Variants in PTGER3 observed in about 807,000 individuals in gnomAD.
The protein encoded by PTGER3 is prostaglandin E2 receptor EP3 subtype.
A neutral mutation model predicts 34.7 loss-of-function variants in PTGER3; 22 were observed. That is an observed-to-expected ratio of 0.63 (90% CI 0.45 to 0.91). PTGER3 has a LOEUF of 0.91. PTGER3 is among the 40% of genes least tolerant of loss of function. The pLI, the probability that PTGER3 is intolerant of heterozygous loss-of-function variation, is 0.00. For missense variants in PTGER3, 468 were observed against 519.4 expected (o/e 0.90, Z 0.96); for synonymous variants, 241 against 230.1 (o/e 1.05, Z -0.43).
chr1:71,023,998 A>T (rs1430325485), intron 1 of PTGER3, among the ~76,000 whole-genome samples: 1 of 150,000 alleles, frequency 6.7e-6, no homozygotes, highest in Non-Finnish European at 1.5e-5. Flanking sequence ...ATGAAATTTT[A>T]ATCTTGTTAT....
chr1:71,045,895 G>A (rs1660734243), intron 1 of PTGER3, among the ~76,000 whole-genome samples: 1 of 151,946 alleles, frequency 6.6e-6, no homozygotes, highest in Non-Finnish European at 1.5e-5. Context: ...AACCTTGAAG[G>A]CACCCATAGG....
intron 1 of PTGER3, among the ~76,000 whole-genome samples, chr1:71,026,583 T>C (rs1226861354): frequency 6.6e-6 from 1 of 151,888 alleles, no homozygotes. Context: ...CTTCCGTGTT[T>C]ACCCCCTTAG....
At chr1:70,954,789 T>C (rs886322299) in intron 2 of PTGER3, among the ~76,000 whole-genome samples, 2 of 152,110 alleles carry the variant, frequency 1.3e-5, no homozygotes, top group African/African-American at 4.8e-5. Context: ...GTTGGGAATT[T>C]GAAATTCTGT....
At chr1:70,967,995 T>C (rs1652700704), downstream of PTGER3, among the ~76,000 whole-genome samples, 1 of 152,216 alleles carries the variant, frequency 6.6e-6, no homozygotes. Flanking sequence ...TATTCTCTGT[T>C]CTCTTACGTA....
At chr1:70,954,986 G>A (rs116165856) in intron 2 of PTGER3, among the ~76,000 whole-genome samples, 1 of 152,104 alleles carries the variant, frequency 6.6e-6, no homozygotes, top group African/African-American at 2.4e-5. Context: ...GAAGCGAATA[G>A]GGAAGGAAGC....
At chr1:70,894,596 G>C (rs1024759557) in intron 4 of PTGER3, among the ~76,000 whole-genome samples, 1 of 152,074 alleles carries the variant, frequency 6.6e-6, no homozygotes, top group African/African-American at 2.4e-5. Context: ...TGAACTCCTG[G>C]AAGAAAATTA....
intron 4 of PTGER3, among the ~76,000 whole-genome samples, chr1:70,867,483 G>T (rs974497034): frequency 6.6e-6 from 1 of 152,160 alleles, no homozygotes; most frequent in African/African-American, 2.4e-5. Context: ...CATGTTGGGA[G>T]GCCGAGGCGG....
At chr1:71,012,800 ACACCACAAGTT>A (rs1183577285) in intron 1 of PTGER3, among the ~76,000 whole-genome samples, 3 of 152,212 alleles carry the variant, frequency 2.0e-5, no homozygotes, top group Admixed American at 6.5e-5. Flanking sequence ...GTTGCAGAAA[ACACCACAAGTT>A]CACCCAAATG....
In PTGER3 at chr1:70,984,616, G is replaced by A. The variant is rs1027690169; in HGVS notation, c.1078-10228C>T. On this transcript the variant is annotated intron_variant, in intron 2 of 3. Transcript: ENST00000306666. ...AGCCTATAGTCCCAGCTACTCAGGAGGCTGAGGTGGGAGGATGAGAGGATC... is the reference window on the plus strand; with the variant it reads ...AGCCTATAGTCCCAGCTACTCAGGAAGCTGAGGTGGGAGGATGAGAGGATC... Among the ~76,000 whole-genome samples the A allele has an allele frequency of 2.0e-5, 3 of 151,784 alleles. No homozygotes were observed. In the East Asian group the frequency reaches 5.9e-4, roughly 30 times the overall value.
chr1:70,950,368 C>A (rs1443029968), downstream of PTGER3, among the ~76,000 whole-genome samples: 1 of 152,092 alleles, frequency 6.6e-6, no homozygotes, highest in African/African-American at 2.4e-5. Context: ...TTAAAATAAA[C>A]AGACTCTAAA....
At chr1:70,928,275 A>C (rs2100482437) in intron 4 of PTGER3, among the ~76,000 whole-genome samples, 1 of 151,306 alleles carries the variant, frequency 6.6e-6, no homozygotes, top group East Asian at 1.9e-4. Flanking sequence ...ATTCCAAATT[A>C]TAAATCATGT....
chr1:70,925,790 G>C (rs931005867), intron 4 of PTGER3, among the ~76,000 whole-genome samples: 1 of 152,154 alleles, frequency 6.6e-6, no homozygotes, highest in Admixed American at 6.6e-5. Flanking sequence ...TAAAAGTGAA[G>C]GTAGATGAAA....
At chr1:70,905,758 G>A (rs2100361475) in intron 4 of PTGER3, among the ~76,000 whole-genome samples, 1 of 152,286 alleles carries the variant, frequency 6.6e-6, no homozygotes, top group South Asian at 2.1e-4. Context: ...TGAGACATTG[G>A]ACTGTGGACT....
chr1:70,923,104 G>T (rs1647706978), intron 4 of PTGER3, among the ~76,000 whole-genome samples: 1 of 151,990 alleles, frequency 6.6e-6, no homozygotes, highest in African/African-American at 2.4e-5. Flanking sequence ...GAATATATTT[G>T]TCTATTGGGT....
At chr1:71,023,793 A>G (rs990613571) in intron 1 of PTGER3, among the ~76,000 whole-genome samples, 3 of 150,308 alleles carry the variant, frequency 2.0e-5, no homozygotes, top group Admixed American at 1.3e-4. Flanking sequence ...CTCACATCCA[A>G]TCAATCACGG....
At position 71,046,712 on chromosome 1, in the gene PTGER3, C is replaced by A. The variant is rs1309132187; in HGVS notation, c.866G>T (p.Cys289Phe). The A allele has an allele frequency of 5.7e-6, 9 of 1,592,806 alleles. No homozygotes were observed. The highest frequency in any genetic ancestry group is 5.2e-5 in the Admixed American group (3 of 57,666). Reference protein sequence around the residue: ...ETAIQLMGIMCVLSVCWSPLL... With the variant: ...ETAIQLMGIMFVLSVCWSPLL... ...CGGAGACCAGCAGACCGACAGCACGCACATGATCCCCATAAGCTGAATGGC... is the reference window on the plus strand; with the variant it reads ...CGGAGACCAGCAGACCGACAGCACGAACATGATCCCCATAAGCTGAATGGC... Residue 289 changes from cysteine to phenylalanine, a missense_variant, in exon 1 of 4, where the codon TGC (cysteine) becomes TTC (phenylalanine). Physicochemically the swap from Cys to Phe is radical, Grantham distance 205. Transcript: ENST00000306666.
chr1:70,950,971 C>T (rs1259359680), downstream of PTGER3: 4 of 152,212 alleles, frequency 2.6e-5, no homozygotes, highest in Non-Finnish European at 4.4e-5. Context: ...CTGCCTCGGC[C>T]TCCAAAGTGC....
chr1:70,863,539 A>C (rs898215472), intron 4 of PTGER3, among the ~76,000 whole-genome samples: 8 of 152,208 alleles, frequency 5.3e-5, no homozygotes, highest in Non-Finnish European at 1.0e-4. Flanking sequence ...AAAGCTATTT[A>C]GGACAATGTT....
chr1:70,898,066 C>G (rs35368675), intron 4 of PTGER3, among the ~76,000 whole-genome samples: 20,733 of 151,744 alleles, frequency 0.14, 2,927 homozygotes, highest in East Asian at 0.43. Context: ...ATATTTTTTA[C>G]CTTAATAGTG....
Sources: allele counts gnomAD v4.1 joint callset (sites outside exome capture counted in the v4.1 genomes callset), GRCh38; gene constraint gnomAD v4.1.1; transcripts MANE v1.5; gene names NCBI Gene and HGNC (gene_info 2026-07-23, HGNC 2026-07-21).